HIP1: variants seen among roughly 807,000 people sequenced by gnomAD.
HIP1 encodes the protein huntingtin-interacting protein 1.
HIP1 carries 65 observed loss-of-function variants against 147.6 expected under a neutral mutation model. That is an observed-to-expected ratio of 0.44 (90% CI 0.36 to 0.54). The LOEUF is 0.54. Among genes scored for constraint, HIP1 ranks in the 20% least tolerant of loss-of-function variants. HIP1 has a pLI of 0.00. For synonymous variants in HIP1, 479 were observed against 504.0 expected, an observed-to-expected ratio of 0.95 and a Z score of 0.67; for missense variants, 1,061 against 1,299.6, an observed-to-expected ratio of 0.82 and a Z score of 2.82.
Position 75,559,926 on chromosome 7 carries a change from A to C in HIP1, c.1192-11T>G. 1.3e-6 allele frequency: 2 copies of C among 1,583,086 alleles called. No individual in the cohort carries two copies. Among genetic ancestry groups the C allele is most frequent in the East Asian group, 4.5e-5 (2 of 44,238 alleles). On this transcript the variant is annotated splice_polypyrimidine_tract_variant and intron_variant, in intron 13 of 30. Coordinates refer to ENST00000336926, the MANE Select transcript of HIP1 (RefSeq NM_005338.7). The stretch of plus-strand genomic sequence containing the variant: ...CACAACCCGCTGGCTCTGTGGGGGG[A>C]CTCCGGTCATGAGGCCAACCGCCCA...
chr7:75,545,856 G>T (rs587662333), intron 25 of HIP1, among the ~76,000 whole-genome samples: 1 of 149,576 alleles, frequency 6.7e-6, no homozygotes, highest in Non-Finnish European at 1.5e-5. Context: ...CAGGAGAATC[G>T]CTTGAACCCA....
At chr7:75,733,280 T>C (rs1554523277) in intron 1 of HIP1, among the ~76,000 whole-genome samples, 1 of 152,102 alleles carries the variant, frequency 6.6e-6, no homozygotes, top group Non-Finnish European at 1.5e-5. Flanking sequence ...TGAGTCACGA[T>C]GTCCTCATCC....
At chr7:75,735,665 C>CTCTTT (rs143807962) in intron 1 of HIP1, among the ~76,000 whole-genome samples, 51,636 of 149,836 alleles carry the variant, frequency 0.34, 9,006 homozygotes, top group African/African-American at 0.36. Flanking sequence ...TAGGGCTGTT[C>CTCTTT]TCTTTTCTTT....
chr7:75,669,990 G>A (rs533287943), intron 1 of HIP1, among the ~76,000 whole-genome samples: 5 of 152,142 alleles, frequency 3.3e-5, no homozygotes, highest in East Asian at 1.9e-4. Flanking sequence ...TAGTAGAGAC[G>A]GGGTTTCGTC....
intron 1 of HIP1, among the ~76,000 whole-genome samples, chr7:75,711,101 G>A (rs1801154559): frequency 6.6e-6 from 1 of 152,106 alleles, no homozygotes; most frequent in Non-Finnish European, 1.5e-5. Flanking sequence ...TTCCCCCAAA[G>A]TATTAATATG....
chr7:75,693,704 G>A (rs1028601621), intron 1 of HIP1, among the ~76,000 whole-genome samples: 5 of 140,316 alleles, frequency 3.6e-5, no homozygotes, highest in Admixed American at 1.5e-4. Flanking sequence ...GCAAAACCTC[G>A]TCTCTACAAA....
chr7:75,570,787 A>G (rs1230334216), intron 8 of HIP1, among the ~76,000 whole-genome samples: 3 of 151,938 alleles, frequency 2.0e-5, no homozygotes, highest in Non-Finnish European at 4.4e-5. Flanking sequence ...CAGGAGGATC[A>G]CTTGAGCTCA....
chr7:75,649,509 G>A (rs1798906117), intron 1 of HIP1, among the ~76,000 whole-genome samples: 1 of 151,804 alleles, frequency 6.6e-6, no homozygotes, highest in African/African-American at 2.4e-5. Flanking sequence ...GCCAGACAGA[G>A]GGTGGAGGAA....
At chr7:75,584,407 T>C (rs1482627394) in intron 5 of HIP1, among the ~76,000 whole-genome samples, 1 of 152,166 alleles carries the variant, frequency 6.6e-6, no homozygotes, top group African/African-American at 2.4e-5. Flanking sequence ...CGCTAATTGC[T>C]AAAAACTGGA....
intron 1 of HIP1, among the ~76,000 whole-genome samples, chr7:75,629,083 G>C (rs1245050682): frequency 2.0e-5 from 3 of 152,158 alleles, no homozygotes; most frequent in Non-Finnish European, 4.4e-5. Flanking sequence ...CAGAATACGA[G>C]GCTGAACTGA....
intron 2 of HIP1, among the ~76,000 whole-genome samples, chr7:75,596,175 G>A (rs1554501926): frequency 7.1e-6 from 1 of 141,390 alleles, no homozygotes; most frequent in African/African-American, 2.7e-5. Flanking sequence ...AGGCTGCAGT[G>A]AGCCTCCAAC....
intron 7 of HIP1, among the ~76,000 whole-genome samples, chr7:75,577,562 C>G (rs1795891556): frequency 6.6e-6 from 1 of 152,178 alleles, no homozygotes; most frequent in Non-Finnish European, 1.5e-5. Flanking sequence ...GCCACTGCAC[C>G]TGGTAGCCTG....
At chr7:75,703,486 A>G (rs1476734613) in intron 1 of HIP1, among the ~76,000 whole-genome samples, 1 of 152,092 alleles carries the variant, frequency 6.6e-6, no homozygotes, top group African/African-American at 2.4e-5. Context: ...TCTACTAAAA[A>G]TACAAAATCA....
At chr7:75,549,071 C>G in intron 22 of HIP1, 70 bp from the exon 23 acceptor site, 1 of 1,139,442 alleles carries the variant, frequency 8.8e-7, no homozygotes, top group Non-Finnish European at 1.3e-6. Context: ...CATCTGTAAC[C>G]CTTACAAGAT....
At chr7:75,571,485 G>A (rs1048945165) in intron 8 of HIP1, among the ~76,000 whole-genome samples, 5 of 152,044 alleles carry the variant, frequency 3.3e-5, no homozygotes, top group African/African-American at 1.2e-4. Context: ...TAGCATCTAG[G>A]CGATGCTACA....
intron 1 of HIP1, among the ~76,000 whole-genome samples, chr7:75,691,217 G>T (rs556746959): frequency 6.6e-6 from 1 of 152,282 alleles, no homozygotes; most frequent in East Asian, 1.9e-4. Flanking sequence ...GGCCGGGCAT[G>T]GTGGCTCATC....
At chr7:75,700,003 A>T (rs1554519070) in intron 1 of HIP1, among the ~76,000 whole-genome samples, 1 of 151,938 alleles carries the variant, frequency 6.6e-6, no homozygotes, top group Non-Finnish European at 1.5e-5. Context: ...GGTGCGCACC[A>T]CTACACCTGG....
rs943133118 is a variant in HIP1, at chr7:75,592,207, G to A, written c.328-95C>T. The A allele has an allele frequency of 5.7e-6, 8 of 1,403,312 alleles. 1 individual carries two copies. Among genetic ancestry groups the A allele is most frequent in the South Asian group, 1.2e-5 (1 of 86,318 alleles). 86.9% of individuals were successfully genotyped at this position (1,403,312 alleles called of 1,614,324 possible). A position where few individuals can be genotyped will look rare whatever the true frequency, so the allele number is the denominator to read the frequency against. Reference sequence around the variant, plus strand: ...GAGAGGCGGAGGTGAACCTAGGGCAGGGGGACAGGCTGATGGGAGGGAGAC... The same window carrying A: ...GAGAGGCGGAGGTGAACCTAGGGCAAGGGGACAGGCTGATGGGAGGGAGAC... On this transcript the variant is annotated intron_variant, in intron 3 of 30. Coordinates refer to ENST00000336926, the MANE Select transcript of HIP1 (RefSeq NM_005338.7).
intron 1 of HIP1, among the ~76,000 whole-genome samples, chr7:75,669,636 C>T (rs1234069227): frequency 6.6e-6 from 1 of 152,098 alleles, no homozygotes. Context: ...TTCCCCCAAC[C>T]CCCGGCAAGT....
Sources: gnomAD v4.1 joint callset for allele counts (sites outside exome capture counted in the v4.1 genomes callset) on GRCh38, gnomAD v4.1.1 for gene constraint, MANE v1.5 for transcripts, NCBI Gene and HGNC (gene_info 2026-07-23, HGNC 2026-07-21) for gene names.